The following KMT2D variants were observed in gnomAD, a reference collection of about 807,000 sequenced individuals.
The protein encoded by KMT2D is lysine methyltransferase 2D.
A neutral mutation model predicts 512.7 loss-of-function variants in KMT2D; 55 were observed. The ratio of observed to expected loss-of-function variants is 0.11; its 90% confidence interval spans 0.09 to 0.13. The LOEUF (loss-of-function observed/expected upper bound fraction) is 0.13. Among genes scored for constraint, KMT2D ranks in the 10% least tolerant of loss-of-function variants. KMT2D has a pLI of 1.00. For missense variants in KMT2D, 6,061 were observed against 7,127.9 expected (o/e 0.85, Z 5.39); for synonymous variants, 2,995 against 2,904.0 (o/e 1.03, Z -1.01).
In KMT2D at chr12:49,060,510, G is replaced by C. The variant is rs894685773; in HGVS notation, c.-935C>G. ...CCAACCCCGGCTCCCGGCACCGGGG[G>C]GTCAGGAAACTGAGCGGAAAGTGGG... On this transcript the variant is annotated 5_prime_UTR_variant, in exon 1 of 55. Coordinates refer to ENST00000301067, the MANE Select transcript of KMT2D (RefSeq NM_003482.4). 2.0e-5 allele frequency among the ~76,000 whole-genome samples: 3 copies of C among 152,246 alleles called. No individual in the cohort carries two copies. Among genetic ancestry groups the C allele is most frequent in the African/African-American group, 7.2e-5 (3 of 41,454 alleles).
rs1943796268 is a variant in KMT2D, at chr12:49,046,589, G to A, written c.4418+20C>T. 6.2e-7 allele frequency: 1 copy of A among 1,602,602 alleles called. No homozygotes were observed. On this transcript the variant is annotated intron_variant, in intron 16 of 54. Coordinates refer to ENST00000301067, the MANE Select transcript of KMT2D (RefSeq NM_003482.4). This position sits in a 1 kb window ranked among gnomAD's most constrained non-coding sequence, Gnocchi z 4.2. ...CATCTCAAGGCCCCAGGGCTCCACTGAAGATCCCAGTCTCCTTACCACTTG... is the reference window on the plus strand; with the variant it reads ...CATCTCAAGGCCCCAGGGCTCCACTAAAGATCCCAGTCTCCTTACCACTTG...
chr12:49,040,142 C>A lies in KMT2D; in HGVS notation c.7628G>T (p.Gly2543Val), dbSNP rs764131120. ...PMRFTFPQAV[G>V]EPSLKPPVPQ... The stretch of plus-strand genomic sequence containing the variant: ...GACAGGGGGCTTTAGGGAAGGCTCC[C>A]CTACTGCCTGAGGGAAAGTGAAACG... The change falls in exon 32 of 55, where the codon GGG (glycine) becomes GTG (valine). Residue 2543 changes from glycine (G) to valine (V), a missense_variant. By Grantham distance (109) the Gly-to-Val change is moderately radical. This residue lies in a region of KMT2D where 710 missense variants were observed against 647.3 expected (regional missense o/e 1.10). Coordinates refer to ENST00000301067, the MANE Select transcript of KMT2D (RefSeq NM_003482.4). 1.2e-6 allele frequency: 2 copies of A among 1,613,848 alleles called. No homozygotes were observed. Among genetic ancestry groups the A allele is most frequent in the Admixed American group, 1.7e-5 (1 of 60,022 alleles).
chr12:49,057,817 T>C (rs1391789222), intron 1 of KMT2D, among the ~76,000 whole-genome samples: 1 of 152,114 alleles, frequency 6.6e-6, no homozygotes, highest in African/African-American at 2.4e-5. Flanking sequence ...TGGGGTAGTG[T>C]CTCACCAGGC....
At chr12:49,027,378 C>G in intron 48 of KMT2D, 56 bp from the exon 49 acceptor site, 3 of 1,404,754 alleles carry the variant, frequency 2.1e-6, no homozygotes, top group South Asian at 1.4e-5. Flanking sequence ...CTAGCTCCCT[C>G]CTTCCCCTCA....
rs1347371008 is a variant in KMT2D, at chr12:49,043,929, T to G, written c.5258A>C (p.Lys1753Thr). 1.9e-6 allele frequency: 3 copies of G among 1,613,894 alleles called. No homozygotes were observed. Among genetic ancestry groups the G allele is most frequent in the African/African-American group, 2.7e-5 (2 of 74,948 alleles). ...CTTCTTGCGCCCTCGCCGCTGTTGCTTCTTCTTCTCATCCCCTTCAGCTAA... is the reference window on the plus strand; with the variant it reads ...CTTCTTGCGCCCTCGCCGCTGTTGCGTCTTCTTCTCATCCCCTTCAGCTAA... The part of the protein sequence containing the change: ...QSLAEGDEKK[K>T]QQRRGRKKSK... The change falls in exon 23 of 55, where the codon AAG becomes ACG. Residue 1753 changes from lysine (K) to threonine (T), a missense_variant. Lys to Thr is a moderately conservative substitution (Grantham distance 78, BLOSUM62 -1). Around this residue, in one of 16 missense-constraint regions of KMT2D, gnomAD observed 640 missense variants for 814.3 expected, o/e 0.79. Coordinates refer to ENST00000301067, the MANE Select transcript of KMT2D (RefSeq NM_003482.4).
At chr12:49,059,339 A>T (rs1938599627) in intron 1 of KMT2D, among the ~76,000 whole-genome samples, 1 of 151,956 alleles carries the variant, frequency 6.6e-6, no homozygotes, top group Non-Finnish European at 1.5e-5. Flanking sequence ...CCCCAACACA[A>T]AAATAAACAG....
Position 49,043,619 on chromosome 12 carries a change from C to T in KMT2D, c.5467+16G>A, listed in dbSNP as rs755705424. On this transcript the variant is annotated intron_variant, in intron 24 of 54. Transcript: ENST00000301067. ...AAGTTGGATTCTCTCACACCACTCA[C>T]TCCCACATAACTAACCTTTCTGCGA... The T allele has an allele frequency of 9.3e-6, 15 of 1,613,612 alleles. No homozygotes were observed. The highest frequency in any genetic ancestry group is 1.2e-5 in the Non-Finnish European group (14 of 1,179,756).
In KMT2D at chr12:49,031,030, C is replaced by T; in HGVS notation, c.13534G>A (p.Ala4512Thr). Residue 4512 changes from alanine to threonine, a missense_variant, in exon 41 of 55, where the codon GCA (alanine) becomes ACA (threonine). By Grantham distance (58) the Ala-to-Thr change is moderately conservative. Around this residue, in one of 16 missense-constraint regions of KMT2D, gnomAD observed 1,600 missense variants for 1,754.9 expected, o/e 0.91. Coordinates refer to ENST00000301067, the MANE Select transcript of KMT2D (RefSeq NM_003482.4). ...GGTGTCAAAGGCTTCCTTGCTGCTG[C>T]ATCCTAAGCCAAATAAGCCCATTGA... The part of the protein sequence containing the change: ...LQGTPSNKED[A>T]AARKPLTPKP... 1.9e-6 allele frequency: 3 copies of T among 1,613,838 alleles called. No homozygotes were observed. The highest frequency in any genetic ancestry group is 2.2e-5 in the South Asian group (2 of 91,088).
chr12:49,024,595 G>C lies in KMT2D; in HGVS notation c.16035C>G (p.Ile5345Met). 6.2e-7 allele frequency: 1 copy of C among 1,612,810 alleles called. No homozygotes were observed. The highest frequency in any genetic ancestry group is 8.5e-7 in the Non-Finnish European group (1 of 1,179,292). ...AAGCTCACCGTTTGTAGTGTGTGAG[G>C]ATTTTAGGCTCTGATCGGGCACAGC... ...PTGCARSEPK[I>M]LTHYKRPHTL... Residue 5345 changes from isoleucine to methionine, a missense_variant, in exon 51 of 55, where the codon ATC (isoleucine) becomes ATG (methionine). Around this residue, in one of 16 missense-constraint regions of KMT2D, gnomAD observed 261 missense variants for 440.7 expected, o/e 0.59. Transcript: ENST00000301067. This position sits in a 1 kb window ranked among gnomAD's most constrained non-coding sequence, Gnocchi z 4.5.
chr12:49,029,273 T>G, intron 44 of KMT2D, 37 bp from the exon 45 acceptor site: 1 of 1,603,778 alleles, frequency 6.2e-7, no homozygotes. Context: ...GCTACAGCCC[T>G]GCAGACTCCC....
rs1319196225 is a variant in KMT2D, at chr12:49,019,808, A to T, written c.*1972T>A. ...TGAGGAAGCAGCTTTAAAAAAAAAA[A>T]ATCTCCCTACCCCCAACAATCCACA... On this transcript the variant is annotated 3_prime_UTR_variant, in exon 55 of 55. Transcript: ENST00000301067. 4 of 229,804 alleles carry T rather than the reference A, an allele frequency of 1.7e-5. No individual in the cohort carries two copies. In the East Asian group the frequency reaches 2.5e-4, roughly 14 times the overall value. 14.2% of individuals were successfully genotyped at this position (229,804 alleles called of 1,614,324 possible). A position where few individuals can be genotyped will look rare whatever the true frequency, so the allele number is the denominator to read the frequency against.
At position 49,031,834 on chromosome 12, in the gene KMT2D, C is replaced by G. The variant is rs2120425541; in HGVS notation, c.12871G>C (p.Ala4291Pro). ...CCTGTAGATAAGGCTCCTGGTGGGG[C>G]AGGGAGCCGGGGTGGGCCCTGAGGT... The part of the protein sequence containing the change: ...PRPQGPPRLP[A>P]PPGALSTGPV... Residue 4291 changes from alanine to proline, a missense_variant, in exon 40 of 55, where the codon GCC becomes CCC. Physicochemically the swap from Ala to Pro is conservative, Grantham distance 27. Around this residue, in one of 16 missense-constraint regions of KMT2D, gnomAD observed 1,600 missense variants for 1,754.9 expected, o/e 0.91. Transcript: ENST00000301067. The G allele has an allele frequency of 6.4e-7, 1 of 1,556,998 alleles. No homozygotes were observed. Among genetic ancestry groups the G allele is most frequent in the South Asian group, 1.2e-5 (1 of 81,934 alleles).
rs1292099149 is a variant in KMT2D at position 49,022,925 on chromosome 12, A to T, written c.16053-50T>A. The T allele has an allele frequency of 4.0e-6, 6 of 1,503,374 alleles. No homozygotes were observed. In the East Asian group the frequency reaches 1.4e-4, roughly 36 times the overall value. The allele number at this position is 1,503,374 out of a possible 1,614,324, so 93.1% of individuals were successfully genotyped here. On this transcript the variant is annotated intron_variant, in intron 51 of 54. Transcript: ENST00000301067. The surrounding 1 kb of genome is among the most constrained non-coding windows in gnomAD (Gnocchi z 8.6). Reference sequence around the variant, plus strand: ...AAGACAGCTCTCCCTCAGACCAAGTACATACCACCCACCTCCTCTGCCACC... The same window carrying T: ...AAGACAGCTCTCCCTCAGACCAAGTTCATACCACCCACCTCCTCTGCCACC...
At position 49,050,984 on chromosome 12, in the gene KMT2D, A is replaced by G; in HGVS notation, c.2699T>C (p.Leu900Pro). The change falls in exon 11 of 55, where the codon CTG becomes CCG. Residue 900 changes from leucine to proline, a missense_variant. This residue lies in a region of KMT2D where 848 missense variants were observed against 838.5 expected (regional missense o/e 1.01). Coordinates refer to ENST00000301067, the MANE Select transcript of KMT2D (RefSeq NM_003482.4). ...CAGAGGTGGTTCCCCAGGCTCAGAC[A>G]GGGCTGGCTCTCCAAGCAAGGGAGA... The part of the protein sequence containing the change: ...SLSPLLGEPA[L>P]SEPGEPPLSP... 7 of 1,566,660 alleles carry G rather than the reference A, an allele frequency of 4.5e-6. No homozygotes were observed. Among genetic ancestry groups the G allele is most frequent in the Non-Finnish European group, 5.2e-6 (6 of 1,157,772 alleles).
Position 49,021,675 on chromosome 12 carries a change from C to T in KMT2D, c.*105G>A. On this transcript the variant is annotated 3_prime_UTR_variant, in exon 55 of 55. Transcript: ENST00000301067. ...GGGGCTCCGGGTCAGCCGGCAGCCCCAACCCTGGGTCCTGGCTCTGGCTGC... is the reference window on the plus strand; with the variant it reads ...GGGGCTCCGGGTCAGCCGGCAGCCCTAACCCTGGGTCCTGGCTCTGGCTGC... 1 of 1,019,048 alleles carries T rather than the reference C, an allele frequency of 9.8e-7. No homozygotes were observed. The highest frequency in any genetic ancestry group is 1.5e-6 in the Non-Finnish European group (1 of 681,368). 63.1% of individuals were successfully genotyped at this position (1,019,048 alleles called of 1,614,324 possible).
Position 49,032,197 on chromosome 12 carries a change from G to T in KMT2D, c.12508C>A (p.Pro4170Thr), listed in dbSNP as rs758862384. 5.0e-6 allele frequency: 8 copies of T among 1,612,760 alleles called. No individual in the cohort carries two copies. Among genetic ancestry groups the T allele is most frequent in the Admixed American group, 1.7e-5 (1 of 59,964 alleles). ...LERPMQNNTG[P>T]QPPKPGPVLQ... ...ACAGGTCCTGGTTTGGGAGGTTGTG[G>T]CCCTGTATTATTTTGCATGGGCCGC... The change falls in exon 40 of 55, where the codon CCA becomes ACA. Residue 4170 changes from proline to threonine, a missense_variant. Pro to Thr is a conservative substitution (Grantham distance 38, BLOSUM62 -1). This residue lies in a region of KMT2D where 1,600 missense variants were observed against 1,754.9 expected (regional missense o/e 0.91). Transcript: ENST00000301067.
rs1169786837 is a variant in KMT2D, at chr12:49,040,093, G to C, written c.7677C>G (p.Pro2559=). The C allele has an allele frequency of 1.2e-6, 2 of 1,613,946 alleles. No homozygotes were observed. The highest frequency in any genetic ancestry group is 8.5e-7 in the Non-Finnish European group (1 of 1,179,850). ...PPVPQPGLPP[P]HGINSHFGPG... ...GCCCAAAATGGCTGTTGATCCCATG[G>C]GGTGGCGGGAGACCAGGCTGAGGGA... is the stretch of plus-strand genomic sequence containing the variant. Residue 2559 remains proline (P), a synonymous_variant, in exon 32 of 55, where the codon CCC becomes CCG. Transcript: ENST00000301067.
In KMT2D at chr12:49,019,231, C is replaced by T. The variant is rs886049458; in HGVS notation, c.*2549G>A. On this transcript the variant is annotated 3_prime_UTR_variant, in exon 55 of 55. Coordinates refer to ENST00000301067, the MANE Select transcript of KMT2D (RefSeq NM_003482.4). ...CACACAACACAAAATAAAGTCTTCA[C>T]GGGATTCACACTTGTCAGCGATTTA... 5.4e-6 allele frequency: 5 copies of T among 927,030 alleles called. No homozygotes were observed. The highest frequency in any genetic ancestry group is 1.3e-6 in the Non-Finnish European group (1 of 752,616). The allele number at this position is 927,030 out of a possible 1,614,324, so 57.4% of individuals were successfully genotyped here. A position where few individuals can be genotyped will look rare whatever the true frequency, so the allele number is the denominator to read the frequency against.
chr12:49,041,081 G>C lies in KMT2D; in HGVS notation c.6689C>G (p.Pro2230Arg). Reference sequence around the variant, plus strand: ...GGGCTGGTGTCTGGGGGTGCCAGGTGGGGTAGTGTGGAATTCCCCTGGCTG... The same window carrying C: ...GGGCTGGTGTCTGGGGGTGCCAGGTCGGGTAGTGTGGAATTCCCCTGGCTG... ...AGQPGEFHTT[P>R]PGTPRHQPST... The change falls in exon 32 of 55, where the codon CCA becomes CGA. Residue 2230 changes from proline to arginine, a missense_variant. By Grantham distance (103) the Pro-to-Arg change is moderately radical. Transcript: ENST00000301067. This position sits in a 1 kb window ranked among gnomAD's most constrained non-coding sequence, Gnocchi z 5.4. 6.5e-7 allele frequency: 1 copy of C among 1,535,916 alleles called. No individual in the cohort carries two copies. Among genetic ancestry groups the C allele is most frequent in the Non-Finnish European group, 8.7e-7 (1 of 1,144,626 alleles).
Sources: gnomAD v4.1 joint callset for allele counts (sites outside exome capture counted in the v4.1 genomes callset) on GRCh38, gnomAD v4.1.1 for gene constraint, gnomAD v4.1.1 regional missense constraint, Gnocchi (gnomAD v3.1) non-coding constraint, MANE v1.5 for transcripts, NCBI Gene and HGNC (gene_info 2026-07-23, HGNC 2026-07-21) for gene names.